The following EDA variants were observed in gnomAD, a reference collection of about 807,000 sequenced individuals.
The protein encoded by EDA is ectodysplasin A.
A neutral mutation model predicts 23.6 loss-of-function variants in EDA; 2 were observed. The ratio of observed to expected loss-of-function variants is 0.08; its 90% CI spans 0.03 to 0.27. EDA has a LOEUF of 0.27. Among genes scored for constraint, EDA ranks in the 10% least tolerant of loss-of-function variants. The pLI is 1.00. For missense variants in EDA, 229 were observed against 324.2 expected (o/e 0.71, Z 2.26); for synonymous variants, 131 against 132.0 (o/e 0.99, Z 0.05).
chrX:69,752,296 A>C (rs1368906216), intron 1 of EDA, among the ~76,000 whole-genome samples: 1 of 111,608 alleles, frequency 9.0e-6, no homozygotes, highest in Non-Finnish European at 1.9e-5. Context: ...AGGGCTGTTG[A>C]ATTTTGTCGA....
intron 2 of EDA, among the ~76,000 whole-genome samples, chrX:70,008,509 A>G (rs745832028): frequency 9.3e-4 from 104 of 111,699 alleles, no homozygotes; most frequent in African/African-American, 3.1e-3. Context: ...TGGTTGTGGT[A>G]TATAATTATT....
At chrX:69,836,647 C>T (rs1393122315) in intron 1 of EDA, among the ~76,000 whole-genome samples, 2 of 112,203 alleles carry the variant, frequency 1.8e-5, no homozygotes, top group African/African-American at 3.2e-5. Context: ...TCACAGCTTC[C>T]CGTGGCTAGG....
intron 1 of EDA, among the ~76,000 whole-genome samples, chrX:69,954,470 T>C (rs1300660968): frequency 2.7e-5 from 3 of 111,700 alleles, no homozygotes; most frequent in African/African-American, 9.8e-5. Flanking sequence ...AATGTAATTG[T>C]AATAATTAAA....
chrX:69,777,296 C>G (rs1457453226), intron 1 of EDA, among the ~76,000 whole-genome samples: 1 of 110,472 alleles, frequency 9.1e-6, no homozygotes, highest in African/African-American at 3.3e-5. Context: ...GGCAGTTCCT[C>G]AGCCCTTTGG....
chrX:69,719,168 T>C (rs1333305952), intron 1 of EDA, among the ~76,000 whole-genome samples: 1 of 111,220 alleles, frequency 9.0e-6, no homozygotes, highest in African/African-American at 3.3e-5. Context: ...ACATTGATAA[T>C]TTGCATCTTT....
intron 1 of EDA, among the ~76,000 whole-genome samples, chrX:69,765,363 G>A (rs1157468224): frequency 3.6e-5 from 4 of 112,012 alleles, no homozygotes; most frequent in African/African-American, 6.5e-5. Context: ...AGTAACCTAC[G>A]GTTAAATTAG....
chrX:69,680,092 C>A (rs1288077876), intron 1 of EDA, among the ~76,000 whole-genome samples: 1 of 109,782 alleles, frequency 9.1e-6, no homozygotes, highest in Non-Finnish European at 1.9e-5. Flanking sequence ...AGTAGTCATT[C>A]AGGAGCAGGT....
intron 1 of EDA, among the ~76,000 whole-genome samples, chrX:69,839,263 T>C (rs2016845635): frequency 8.9e-6 from 1 of 112,032 alleles, no homozygotes; most frequent in East Asian, 2.8e-4. Context: ...TATTCTCCCT[T>C]CTTAGAAAAA....
chrX:69,668,120 A>G (rs1933751992), intron 1 of EDA, among the ~76,000 whole-genome samples: 1 of 112,191 alleles, frequency 8.9e-6, no homozygotes. Context: ...ATTTATTGCT[A>G]TAAATTCCCT....
chrX:69,876,536 TC>T (rs1314031885), intron 1 of EDA, among the ~76,000 whole-genome samples: 1 of 112,062 alleles, frequency 8.9e-6, no homozygotes, highest in Non-Finnish European at 1.9e-5. Context: ...ATCACTTCAA[TC>T]ATCATGTAAA....
chrX:69,792,860 C>T (rs1471504990), intron 1 of EDA, among the ~76,000 whole-genome samples: 2 of 112,152 alleles, frequency 1.8e-5, no homozygotes, highest in African/African-American at 6.5e-5. Context: ...TCCTTGTAGA[C>T]TGGATATTAG....
At chrX:69,811,154 C>T (rs1335515282) in intron 1 of EDA, among the ~76,000 whole-genome samples, 1 of 112,109 alleles carries the variant, frequency 8.9e-6, no homozygotes, top group Non-Finnish European at 1.9e-5. Context: ...ATATATAGTA[C>T]AAGATGTAGA....
chrX:69,623,478 C>A (rs1932264781), intron 1 of EDA, among the ~76,000 whole-genome samples: 1 of 111,398 alleles, frequency 9.0e-6, no homozygotes, highest in Non-Finnish European at 1.9e-5. Flanking sequence ...CCCCTAAAAG[C>A]CTCATCAAAT....
chrX:69,738,434 A>G (rs774432088), intron 1 of EDA, among the ~76,000 whole-genome samples: 9 of 108,889 alleles, frequency 8.3e-5, no homozygotes, highest in Admixed American at 3.0e-4. Flanking sequence ...AATTTTGTAG[A>G]TCTTTTCAAA....
At chrX:69,678,411 A>G (rs1192401022) in intron 1 of EDA, among the ~76,000 whole-genome samples, 13 of 111,546 alleles carry the variant, frequency 1.2e-4, no homozygotes, top group Admixed American at 3.8e-4. Context: ...ATTACCTTGG[A>G]CAGTATGGCC....
chrX:69,671,266 A>G (rs970402385), intron 1 of EDA, among the ~76,000 whole-genome samples: 1 of 111,354 alleles, frequency 9.0e-6, no homozygotes, highest in Non-Finnish European at 1.9e-5. Flanking sequence ...TTCATAGGTT[A>G]TTAGGGCAAC....
chrX:69,696,954 T>C (rs1602305945), intron 1 of EDA, among the ~76,000 whole-genome samples: 1 of 112,359 alleles, frequency 8.9e-6, no homozygotes, highest in African/African-American at 3.2e-5. Context: ...CCTCCTTTAC[T>C]GCAGTTTCAG....
chrX:69,836,364 C>A (rs961270221), intron 1 of EDA, among the ~76,000 whole-genome samples: 1 of 112,473 alleles, frequency 8.9e-6, no homozygotes, highest in East Asian at 2.8e-4. Context: ...AGGCAGTAGG[C>A]CTGGTTGAGC....
intron 1 of EDA, among the ~76,000 whole-genome samples, chrX:69,905,883 C>A (rs778945275): frequency 9.0e-6 from 1 of 111,145 alleles, no homozygotes; most frequent in Non-Finnish European, 1.9e-5. Flanking sequence ...ATTTCCATAT[C>A]TCATATGCCT....
Sources: gnomAD v4.1 joint callset for allele counts (sites outside exome capture counted in the v4.1 genomes callset) on GRCh38, gnomAD v4.1.1 for gene constraint, MANE v1.5 for transcripts, NCBI Gene and HGNC (gene_info 2026-07-23, HGNC 2026-07-21) for gene names.